Variants in TCEANC2 observed in about 807,000 individuals in gnomAD.
The protein encoded by TCEANC2 is transcription elongation factor A N-terminal and central domain-containing protein 2.
A neutral mutation model predicts 22.8 loss-of-function variants in TCEANC2; 20 were observed. The ratio of observed to expected loss-of-function variants is 0.88; its 90% CI spans 0.62 to 1.28. TCEANC2 has a LOEUF of 1.28. TCEANC2 is among the 50% of genes most tolerant of loss of function. The pLI, the probability that TCEANC2 is intolerant of heterozygous loss-of-function variation, is 0.00. For synonymous variants in TCEANC2, 84 were observed against 95.5 expected (o/e 0.88, Z 0.70); for missense variants, 251 against 249.7 (o/e 1.01, Z -0.03).
chr1:54,075,288 G>C (rs1658126394), intron 3 of TCEANC2, among the ~76,000 whole-genome samples: 1 of 152,152 alleles, frequency 6.6e-6, no homozygotes, highest in South Asian at 2.1e-4. Context: ...AAGGTCTGTG[G>C]GAATACAGGG....
intron 2 of TCEANC2, among the ~76,000 whole-genome samples, chr1:54,067,583 C>T (rs1479769918): frequency 1.3e-5 from 2 of 152,084 alleles, no homozygotes; most frequent in Non-Finnish European, 2.9e-5. Context: ...GGCTTTGAAC[C>T]TGGAAGGGTC....
rs1164906603 is a variant in TCEANC2 at position 54,101,038 on chromosome 1, G to A, written c.*4565G>A. ...AGAATCCCAGGTTTGAAAAATGGCAGGAGACCCAGATAATGCATTTACTGT... is the reference window on the plus strand; with the variant it reads ...AGAATCCCAGGTTTGAAAAATGGCAAGAGACCCAGATAATGCATTTACTGT... On this transcript the variant is annotated 3_prime_UTR_variant, in exon 5 of 5. Transcript: ENST00000234827. 6.6e-6 allele frequency: 1 copy of A among 151,948 alleles called. No individual in the cohort carries two copies. The highest frequency in any genetic ancestry group is 2.4e-5 in the African/African-American group (1 of 41,382). The allele number at this position is 151,948 out of a possible 1,614,324, so 9.4% of individuals were successfully genotyped here.
chr1:54,084,832 A>G (rs969950254), intron 3 of TCEANC2, among the ~76,000 whole-genome samples: 1 of 152,096 alleles, frequency 6.6e-6, no homozygotes. Flanking sequence ...GATCTTATTT[A>G]TCATTTTATT....
chr1:54,074,046 C>T (rs1658102981), intron 3 of TCEANC2, among the ~76,000 whole-genome samples: 1 of 152,132 alleles, frequency 6.6e-6, no homozygotes, highest in African/African-American at 2.4e-5. Flanking sequence ...TAGACTTATT[C>T]TGTGGAACAT....
rs1321438582 is a variant in TCEANC2, at chr1:54,103,525, TC to T, written c.*7055del. ...CGTGATCCAATCACTTCCCACCATG[TC>T]CCTCCCTCAACACGTGGGGATTATA... On this transcript the variant is annotated 3_prime_UTR_variant, in exon 5 of 5. Transcript: ENST00000234827. The T allele has an allele frequency of 6.6e-6, 1 of 152,120 alleles. No individual in the cohort carries two copies. The highest frequency in any genetic ancestry group is 1.9e-4 in the East Asian group (1 of 5,192). The allele number at this position is 152,120 out of a possible 1,614,324, so 9.4% of individuals were successfully genotyped here. A position where few individuals can be genotyped will look rare whatever the true frequency, so the allele number is the denominator to read the frequency against.
At chr1:54,086,860 A>G (rs1658348768) in intron 3 of TCEANC2, among the ~76,000 whole-genome samples, 1 of 152,240 alleles carries the variant, frequency 6.6e-6, no homozygotes, top group South Asian at 2.1e-4. Context: ...CTCCATAGTC[A>G]ACTGGAGGCA....
intron 4 of TCEANC2, chr1:54,089,968 G>C (rs760181338): frequency 1.1e-4 from 76 of 719,420 alleles, no homozygotes; most frequent in Non-Finnish European, 1.6e-4. Flanking sequence ...GATAAATATG[G>C]TAGTGCTGTA....
chr1:54,072,888 T>C (rs568250297), intron 3 of TCEANC2, among the ~76,000 whole-genome samples: 2 of 152,366 alleles, frequency 1.3e-5, no homozygotes, highest in South Asian at 4.1e-4. Context: ...TTATTGTTTC[T>C]GCTGACTGAT....
At chr1:54,093,459 T>C (rs535444539) in intron 4 of TCEANC2, among the ~76,000 whole-genome samples, 1 of 152,200 alleles carries the variant, frequency 6.6e-6, no homozygotes, top group Non-Finnish European at 1.5e-5. Context: ...CACATATTTT[T>C]CTCCATTTCT....
At chr1:54,068,651 TA>T in intron 2 of TCEANC2, 104 bp from the exon 3 acceptor site, 1 of 1,227,954 alleles carries the variant, frequency 8.1e-7, no homozygotes, top group Non-Finnish European at 1.1e-6. Flanking sequence ...GTTCAGGTCA[TA>T]ATCAATAATT....
chr1:54,069,042 T>G (rs1302985858), intron 3 of TCEANC2, 145 bp downstream of exon 3: 3 of 945,566 alleles, frequency 3.2e-6, no homozygotes, highest in African/African-American at 1.7e-5. Flanking sequence ...TAAAAAATTA[T>G]CTGTTGGTTG....
chr1:54,067,200 A>C (rs971276693), intron 2 of TCEANC2, among the ~76,000 whole-genome samples: 5 of 152,204 alleles, frequency 3.3e-5, no homozygotes, highest in African/African-American at 1.2e-4. Context: ...TTACCCGCCG[A>C]ATTCTTTAGG....
chr1:54,059,152 C>CT (rs201301611), intron 2 of TCEANC2, among the ~76,000 whole-genome samples: 2,136 of 130,734 alleles, frequency 0.016, 44 homozygotes, highest in African/African-American at 0.047. Context: ...CTTGAGTTTT[C>CT]TTTTTTTTTT....
intron 4 of TCEANC2, among the ~76,000 whole-genome samples, chr1:54,095,987 G>A (rs183734755): frequency 4.6e-5 from 7 of 152,212 alleles, no homozygotes; most frequent in East Asian, 1.9e-4. Context: ...CTTGGTCTTC[G>A]TTTCCTGGTT....
At chr1:54,110,695 C>T (rs1658825401), downstream of TCEANC2, among the ~76,000 whole-genome samples, 1 of 152,168 alleles carries the variant, frequency 6.6e-6, no homozygotes, top group Non-Finnish European at 1.5e-5. Context: ...CTTACAGTGG[C>T]CTACAAGGTC....
At chr1:54,055,063 C>T (rs1657723100) in intron 2 of TCEANC2, among the ~76,000 whole-genome samples, 1 of 152,294 alleles carries the variant, frequency 6.6e-6, no homozygotes, top group African/African-American at 2.4e-5. Flanking sequence ...CTGCAACCTC[C>T]ACCTCCCGGC....
At chr1:54,091,150 C>CAA (rs11428267) in intron 4 of TCEANC2, among the ~76,000 whole-genome samples, 156 of 142,982 alleles carry the variant, frequency 1.1e-3, no homozygotes, top group East Asian at 9.0e-3. Flanking sequence ...CGTCCTTAGC[C>CAA]AAAAAAAAAA....
chr1:54,094,752 G>A (rs1224284482), intron 4 of TCEANC2, among the ~76,000 whole-genome samples: 1 of 152,176 alleles, frequency 6.6e-6, no homozygotes, highest in East Asian at 1.9e-4. Context: ...GGCTAAGGTA[G>A]GGAGAGAAAG....
intron 3 of TCEANC2, among the ~76,000 whole-genome samples, chr1:54,084,854 C>G (rs1308129527): frequency 2.0e-5 from 3 of 152,050 alleles, no homozygotes; most frequent in Admixed American, 6.5e-5. Context: ...TTAGCATCTA[C>G]TACAGTGACC....
Sources: gnomAD v4.1 joint callset for allele counts (sites outside exome capture counted in the v4.1 genomes callset) on GRCh38, gnomAD v4.1.1 for gene constraint, MANE v1.5 for transcripts, NCBI Gene and HGNC (gene_info 2026-07-23, HGNC 2026-07-21) for gene names.